HYAL4: variants seen among roughly 807,000 people sequenced by gnomAD.
HYAL4 encodes hyaluronidase-4.
Under a neutral mutation model 35.2 loss-of-function variants are expected in HYAL4, and 37 were observed. The ratio of observed to expected loss-of-function variants is 1.05; its 90% CI spans 0.81 to 1.38. HYAL4 has a LOEUF of 1.38. HYAL4 is among the 40% of genes most tolerant of loss of function. The pLI, the probability that HYAL4 is intolerant of heterozygous loss-of-function variation, is 0.00. For synonymous variants in HYAL4, 198 were observed against 203.2 expected, an observed-to-expected ratio of 0.97 and a Z score of 0.22; for missense variants, 572 against 572.4, an observed-to-expected ratio of 1.00 and a Z score of 0.01.
At chr7:123,866,302 A>G (rs1806685983) in intron 2 of HYAL4, among the ~76,000 whole-genome samples, 1 of 152,150 alleles carries the variant, frequency 6.6e-6, no homozygotes, top group African/African-American at 2.4e-5. Context: ...GCTCCTTGAC[A>G]CTGGAATTTA....
the HYAL4 span, among the ~76,000 whole-genome samples, chr7:123,796,610 C>T: frequency 1.2e-4 from 18 of 152,188 alleles, no homozygotes; most frequent in African/African-American, 2.9e-4. Context: ...TAAGTGAAAA[C>T]GTGTCCACAT....
At chr7:123,810,969 A>G in the HYAL4 span, among the ~76,000 whole-genome samples, 1 of 152,194 alleles carries the variant, frequency 6.6e-6, no homozygotes, top group Non-Finnish European at 1.5e-5. Flanking sequence ...ATGCTTACTT[A>G]ATTCTCTTAG....
At chr7:123,850,698 A>G (rs1048377073) in intron 2 of HYAL4, among the ~76,000 whole-genome samples, 5 of 152,194 alleles carry the variant, frequency 3.3e-5, no homozygotes, top group African/African-American at 1.2e-4. Flanking sequence ...TATCATGAAT[A>G]TGTGAAAAAT....
At chr7:123,827,325 C>T (rs140739974), upstream of HYAL4, among the ~76,000 whole-genome samples, 870 of 152,062 alleles carry the variant, frequency 5.7e-3, 10 homozygotes, top group Admixed American at 0.014. Flanking sequence ...TCAAGGAGGG[C>T]GGCTGCAACA....
At chr7:123,825,458 T>C (rs1805791947), upstream of HYAL4, among the ~76,000 whole-genome samples, 1 of 151,996 alleles carries the variant, frequency 6.6e-6, no homozygotes, top group Non-Finnish European at 1.5e-5. Context: ...CATAGTAAAA[T>C]AGAAGAGGAG....
intron 1 of HYAL4, among the ~76,000 whole-genome samples, chr7:123,839,028 G>C (rs1806012318): frequency 6.6e-6 from 1 of 151,738 alleles, no homozygotes; most frequent in Non-Finnish European, 1.5e-5. Context: ...GGGTACCTGT[G>C]CACAACGTGC....
chr7:123,833,420 GA>G (rs1370750554), intron 1 of HYAL4, among the ~76,000 whole-genome samples: 23 of 151,982 alleles, frequency 1.5e-4, no homozygotes, highest in African/African-American at 5.5e-4. Flanking sequence ...ACTTTTTGAT[GA>G]GATTGTTTGT....
chr7:123,764,448 A>G, the HYAL4 span, among the ~76,000 whole-genome samples: 1 of 152,206 alleles, frequency 6.6e-6, no homozygotes, highest in Non-Finnish European at 1.5e-5. Context: ...CTCTAAGGAG[A>G]TGGATCCTGA....
chr7:123,856,071 A>T (rs1584919031), intron 2 of HYAL4, among the ~76,000 whole-genome samples: 1 of 151,902 alleles, frequency 6.6e-6, no homozygotes, highest in East Asian at 2.0e-4. Flanking sequence ...GTTCTTCTCT[A>T]AACTTGTTAT....
chr7:123,797,012 A>G, the HYAL4 span, among the ~76,000 whole-genome samples: 3 of 152,232 alleles, frequency 2.0e-5, no homozygotes, highest in Non-Finnish European at 2.9e-5. Context: ...TGTGCTCTCA[A>G]TTTCTGGGCT....
chr7:123,866,977 G>A (rs1390886699), intron 2 of HYAL4, among the ~76,000 whole-genome samples: 2 of 152,144 alleles, frequency 1.3e-5, no homozygotes, highest in African/African-American at 2.4e-5. Context: ...TTTTGGTAGA[G>A]ATGGGGTTTC....
At chr7:123,799,899 G>A in the HYAL4 span, among the ~76,000 whole-genome samples, 1 of 151,972 alleles carries the variant, frequency 6.6e-6, no homozygotes. Context: ...GGTAGCTCAC[G>A]CCTGTAATCC....
At chr7:123,841,201 C>T (rs1034950702), upstream of HYAL4, among the ~76,000 whole-genome samples, 54 of 151,826 alleles carry the variant, frequency 3.6e-4, 1 homozygote, top group Non-Finnish European at 3.7e-4. Flanking sequence ...GCATGAAGGG[C>T]TGTTGAATTT....
the HYAL4 span, among the ~76,000 whole-genome samples, chr7:123,795,344 A>G: frequency 6.6e-6 from 1 of 152,142 alleles, no homozygotes; most frequent in Non-Finnish European, 1.5e-5. Context: ...AAACTGTTGG[A>G]AGGGCATGAT....
At chr7:123,770,471 A>G in the HYAL4 span, among the ~76,000 whole-genome samples, 9,575 of 150,888 alleles carry the variant, frequency 0.063, 372 homozygotes, top group East Asian at 0.11. Flanking sequence ...CTGCCGTGGA[A>G]GTTCCAGGGA....
At chr7:123,866,948 G>A (rs1242876252) in intron 2 of HYAL4, among the ~76,000 whole-genome samples, 1 of 152,066 alleles carries the variant, frequency 6.6e-6, no homozygotes, top group Non-Finnish European at 1.5e-5. Flanking sequence ...GTGCCACCAC[G>A]CCAAGCTAAT....
At chr7:123,865,222 T>C (rs954485004) in intron 2 of HYAL4, among the ~76,000 whole-genome samples, 6 of 152,210 alleles carry the variant, frequency 3.9e-5, no homozygotes, top group East Asian at 1.9e-4. Flanking sequence ...AGGAAGTATC[T>C]GGCAGGGTAG....
chr7:123,800,927 C>T, the HYAL4 span, among the ~76,000 whole-genome samples: 1 of 152,090 alleles, frequency 6.6e-6, no homozygotes, highest in Admixed American at 6.5e-5. Flanking sequence ...TCCCAAAGTG[C>T]TGGGATTACA....
the HYAL4 span, among the ~76,000 whole-genome samples, chr7:123,800,502 AAAAAG>A: frequency 2.0e-5 from 3 of 150,972 alleles, no homozygotes; most frequent in Non-Finnish European, 1.5e-5. Flanking sequence ...AAAATTAAAA[AAAAAG>A]AAGTTTTTCT....
Sources: gnomAD v4.1 joint callset for allele counts (sites outside exome capture counted in the v4.1 genomes callset) on GRCh38, gnomAD v4.1.1 for gene constraint, MANE v1.5 for transcripts, NCBI Gene and HGNC (gene_info 2026-07-23, HGNC 2026-07-21) for gene names.